HOMER1: variants seen among roughly 807,000 people sequenced by gnomAD.
The protein encoded by HOMER1 is homer protein homolog 1.
Under a neutral mutation model 48.9 loss-of-function variants are expected in HOMER1, and 3 were observed. The observed-to-expected ratio is 0.06, with a 90% confidence interval of 0.03 to 0.16. The LOEUF (loss-of-function observed/expected upper bound fraction) is 0.16. Among genes scored for constraint, HOMER1 ranks in the 10% least tolerant of loss-of-function variants. The pLI, the probability that HOMER1 is intolerant of heterozygous loss-of-function variation, is 1.00. For missense variants in HOMER1, 247 were observed against 411.4 expected (o/e 0.60, Z 3.46); for synonymous variants, 134 against 146.4 (o/e 0.92, Z 0.61).
intron 1 of HOMER1, among the ~76,000 whole-genome samples, chr5:79,461,326 A>T (rs1260852113): frequency 6.6e-6 from 1 of 152,212 alleles, no homozygotes; most frequent in Non-Finnish European, 1.5e-5. Context: ...TATCAAAGTT[A>T]ATATCTTTTC....
At chr5:79,413,331 G>C (rs772369753) in intron 5 of HOMER1, among the ~76,000 whole-genome samples, 1 of 152,146 alleles carries the variant, frequency 6.6e-6, no homozygotes, top group Non-Finnish European at 1.5e-5. Context: ...AACATATCCT[G>C]TATCACATGT....
At chr5:79,434,215 G>GT (rs1750509043) in intron 5 of HOMER1, among the ~76,000 whole-genome samples, 1 of 151,938 alleles carries the variant, frequency 6.6e-6, no homozygotes, top group Non-Finnish European at 1.5e-5. Flanking sequence ...TCAAAAAATT[G>GT]TAATGAACAA....
In HOMER1 at chr5:79,513,025, A is replaced by G. The variant is rs1277256083; in HGVS notation, c.-251T>C. ...CGAGTTAAAATGCTTTGCGGAGGAG[A>G]CAGCGATCAACTCTATTCCACAAAA... On this transcript the variant is annotated 5_prime_UTR_variant, in exon 1 of 9. Coordinates refer to ENST00000334082, the MANE Select transcript of HOMER1 (RefSeq NM_004272.5). The G allele has an allele frequency of 1.6e-5, 9 of 566,338 alleles. No homozygotes were observed. In the African/African-American group the frequency reaches 1.7e-4, roughly 11 times the overall value. 35.1% of individuals were successfully genotyped at this position (566,338 alleles called of 1,614,324 possible).
At chr5:79,457,047 T>A in intron 1 of HOMER1, 29 bp from the exon 2 acceptor site, 1 of 1,609,610 alleles carries the variant, frequency 6.2e-7, no homozygotes, top group Non-Finnish European at 8.5e-7. Context: ...AATGATGGAC[T>A]GAAAGCAGCC....
intron 1 of HOMER1, among the ~76,000 whole-genome samples, chr5:79,511,866 T>C (rs954826155): frequency 1.3e-5 from 2 of 152,254 alleles, no homozygotes; most frequent in African/African-American, 4.8e-5. Flanking sequence ...ACTTCAGATG[T>C]GTTTGTTCAA....
intron 1 of HOMER1, among the ~76,000 whole-genome samples, chr5:79,477,818 G>C (rs981142253): frequency 5.3e-5 from 8 of 151,594 alleles, no homozygotes; most frequent in Non-Finnish European, 1.0e-4. Context: ...CTAAATCTAA[G>C]TTTAGCCAGG....
At chr5:79,484,421 C>A (rs1752039004) in intron 1 of HOMER1, among the ~76,000 whole-genome samples, 1 of 151,936 alleles carries the variant, frequency 6.6e-6, no homozygotes, top group Admixed American at 6.6e-5. Context: ...GATCTAAACA[C>A]CCACAATTAA....
intron 1 of HOMER1, among the ~76,000 whole-genome samples, chr5:79,472,509 G>C (rs552490149): frequency 1.3e-4 from 20 of 152,216 alleles, no homozygotes; most frequent in African/African-American, 4.8e-4. Flanking sequence ...AGGCGTGGTG[G>C]CTCATGCTTG....
chr5:79,482,821 C>A (rs942713126), intron 1 of HOMER1, among the ~76,000 whole-genome samples: 2 of 150,976 alleles, frequency 1.3e-5, no homozygotes, highest in Non-Finnish European at 2.9e-5. Flanking sequence ...CATGGCAAGA[C>A]CCTGTCTCTA....
Position 79,456,899 on chromosome 5 carries a change from C to A in HOMER1, c.125G>T (p.Arg42Ile). 6.2e-7 allele frequency: 1 copy of A among 1,614,074 alleles called. No homozygotes were observed. Among genetic ancestry groups the A allele is most frequent in the Non-Finnish European group, 8.5e-7 (1 of 1,179,944 alleles). The change falls in exon 2 of 9, where the codon AGA (arginine) becomes ATA (isoleucine). Residue 42 changes from arginine (R) to isoleucine (I), a missense_variant. Physicochemically the swap from Arg to Ile is moderately conservative, Grantham distance 97. Transcript: ENST00000334082. The part of the protein sequence containing the change: ...VTVSYFYDST[R>I]NVYRIISLDG... ...TAAACTGATTATCCTATACACATTT[C>A]TTGTGCTGTCATAGAAATAAGACAC...
At chr5:79,475,625 C>T (rs529144281) in intron 1 of HOMER1, among the ~76,000 whole-genome samples, 1 of 152,084 alleles carries the variant, frequency 6.6e-6, no homozygotes, top group Non-Finnish European at 1.5e-5. Flanking sequence ...GAATAACCAA[C>T]TTCTAGTCTC....
intron 8 of HOMER1, among the ~76,000 whole-genome samples, chr5:79,376,504 TG>T (rs1212533516): frequency 6.6e-6 from 1 of 152,222 alleles, no homozygotes; most frequent in Non-Finnish European, 1.5e-5. Context: ...GACCTATTTA[TG>T]GATCACTTAG....
chr5:79,447,605 T>C (rs1367393887), intron 3 of HOMER1, among the ~76,000 whole-genome samples: 1 of 152,202 alleles, frequency 6.6e-6, no homozygotes, highest in Non-Finnish European at 1.5e-5. Context: ...ACACAATGCA[T>C]TTTCAGTAAT....
intron 8 of HOMER1, among the ~76,000 whole-genome samples, chr5:79,377,986 G>A (rs1748817811): frequency 6.6e-6 from 1 of 152,048 alleles, no homozygotes; most frequent in Admixed American, 6.6e-5. Context: ...CAGAACTCTG[G>A]GAGGCTGAAT....
At chr5:79,475,704 A>G (rs918773724) in intron 1 of HOMER1, among the ~76,000 whole-genome samples, 1 of 152,168 alleles carries the variant, frequency 6.6e-6, no homozygotes, top group Non-Finnish European at 1.5e-5. Flanking sequence ...TTCTATCAAA[A>G]TACAGATTAT....
chr5:79,474,206 ATTTTTTTTTTTTTT>A (rs1009644672), intron 1 of HOMER1, among the ~76,000 whole-genome samples: 7 of 98,726 alleles, frequency 7.1e-5, no homozygotes, highest in African/African-American at 2.8e-4. Flanking sequence ...CCCAACCAAA[ATTTTTTTTTTTTTT>A]TTTTTTTTTT....
At chr5:79,420,764 T>C (rs866259753) in intron 5 of HOMER1, among the ~76,000 whole-genome samples, 35 of 152,294 alleles carry the variant, frequency 2.3e-4, no homozygotes, top group African/African-American at 7.7e-4. Context: ...CTCCACATCA[T>C]CCATACTGGT....
chr5:79,512,430 A>G (rs1465888735), intron 1 of HOMER1, among the ~76,000 whole-genome samples: 5 of 152,244 alleles, frequency 3.3e-5, no homozygotes, highest in Admixed American at 6.5e-5. Context: ...TTCTCTTTGA[A>G]AGATAACCGT....
chr5:79,392,263 CAGA>C, intron 8 of HOMER1, among the ~76,000 whole-genome samples: 1 of 152,080 alleles, frequency 6.6e-6, no homozygotes, highest in East Asian at 1.9e-4. Context: ...GGGGGTATTC[CAGA>C]AGAAGGCATT....
Sources: allele counts gnomAD v4.1 joint callset (sites outside exome capture counted in the v4.1 genomes callset), GRCh38; gene constraint gnomAD v4.1.1; transcripts MANE v1.5; gene names NCBI Gene and HGNC (gene_info 2026-07-23, HGNC 2026-07-21).